Variants in KCNAB1 observed in about 807,000 individuals in gnomAD.
KCNAB1 encodes voltage-gated potassium channel subunit beta-1.
KCNAB1 carries 35 observed loss-of-function variants against 64.6 expected under a neutral mutation model. The observed-to-expected ratio is 0.54, with a 90% CI of 0.41 to 0.72. The LOEUF is 0.72. Ranked by LOEUF, KCNAB1 falls within the 30% of genes least tolerant of loss-of-function variation. KCNAB1 has a pLI of 0.00. For missense variants in KCNAB1, 401 were observed against 512.9 expected (o/e 0.78, Z 2.11); for synonymous variants, 177 against 183.8 (o/e 0.96, Z 0.30).
intron 1 of KCNAB1, among the ~76,000 whole-genome samples, chr3:156,405,114 G>A (rs554490399): frequency 1.0e-3 from 155 of 152,320 alleles, no homozygotes; most frequent in South Asian, 2.7e-3. Flanking sequence ...GAACCCTGCT[G>A]AGGTTAGAAG....
At chr3:156,202,682 C>G (rs553931303) in intron 1 of KCNAB1, among the ~76,000 whole-genome samples, 18 of 152,158 alleles carry the variant, frequency 1.2e-4, no homozygotes, top group African/African-American at 3.9e-4. Context: ...TTTATAATGT[C>G]AACAGTTTTT....
intron 1 of KCNAB1, among the ~76,000 whole-genome samples, chr3:156,205,305 G>A (rs1252077255): frequency 2.6e-5 from 4 of 151,984 alleles, no homozygotes; most frequent in Admixed American, 1.3e-4. Context: ...TTTGGTTTCC[G>A]TGTTTTAATT....
intron 13 of KCNAB1, among the ~76,000 whole-genome samples, chr3:156,535,499 C>T (rs1192730142): frequency 1.3e-5 from 2 of 152,150 alleles, no homozygotes; most frequent in Admixed American, 6.5e-5. Context: ...CTCACAAACC[C>T]TCAACTCCAG....
chr3:156,357,384 G>A (rs207463925), intron 1 of KCNAB1, among the ~76,000 whole-genome samples: 3 of 152,156 alleles, frequency 2.0e-5, no homozygotes, highest in African/African-American at 7.2e-5. Context: ...AATTTTTTAC[G>A]AGACCCTCAA....
chr3:156,469,302 G>A (rs550158911), intron 7 of KCNAB1, among the ~76,000 whole-genome samples: 1 of 139,926 alleles, frequency 7.1e-6, no homozygotes. Context: ...TGCCACCCAG[G>A]CTGGAGTGCA....
At chr3:156,226,065 A>T (rs138313479) in intron 1 of KCNAB1, among the ~76,000 whole-genome samples, 1 of 152,166 alleles carries the variant, frequency 6.6e-6, no homozygotes, top group Admixed American at 6.5e-5. Flanking sequence ...CTAGAAAAAA[A>T]TCCTAAAATT....
At chr3:156,180,058 C>T (rs1190728998) in intron 1 of KCNAB1, among the ~76,000 whole-genome samples, 1 of 152,162 alleles carries the variant, frequency 6.6e-6, no homozygotes, top group Non-Finnish European at 1.5e-5. Context: ...TTGCCATCAT[C>T]CTCCTTCTAT....
At chr3:156,151,470 A>G (rs1673442506) in intron 1 of KCNAB1, among the ~76,000 whole-genome samples, 1 of 152,238 alleles carries the variant, frequency 6.6e-6, no homozygotes. Context: ...GGCCAGAACT[A>G]TTTTAAAATT....
At chr3:156,298,891 A>G (rs1720970350) in intron 1 of KCNAB1, among the ~76,000 whole-genome samples, 1 of 152,226 alleles carries the variant, frequency 6.6e-6, no homozygotes, top group South Asian at 2.1e-4. Context: ...AGAATTAGAA[A>G]TAGAGTGATT....
At chr3:156,458,543 T>C (rs1712634053) in intron 4 of KCNAB1, among the ~76,000 whole-genome samples, 1 of 152,210 alleles carries the variant, frequency 6.6e-6, no homozygotes, top group East Asian at 1.9e-4. Context: ...CCCAGTGCAT[T>C]TTCCTTGCAT....
chr3:156,279,537 G>A (rs1329532481), intron 1 of KCNAB1, among the ~76,000 whole-genome samples: 14 of 151,986 alleles, frequency 9.2e-5, no homozygotes, highest in African/African-American at 1.7e-4. Context: ...CTGAGGAGTC[G>A]CCACACTGAC....
At chr3:156,132,058 G>T (rs887736614) in intron 1 of KCNAB1, among the ~76,000 whole-genome samples, 1 of 152,240 alleles carries the variant, frequency 6.6e-6, no homozygotes. Flanking sequence ...AGAAGGAAGA[G>T]AAGTGGGCAT....
chr3:156,195,415 C>T (rs775923006), intron 1 of KCNAB1, among the ~76,000 whole-genome samples: 9 of 152,070 alleles, frequency 5.9e-5, no homozygotes, highest in Non-Finnish European at 1.2e-4. Flanking sequence ...GTGTAAAAGC[C>T]TTCCTATTTC....
intron 1 of KCNAB1, among the ~76,000 whole-genome samples, chr3:156,183,649 C>T (rs1461887397): frequency 6.6e-6 from 1 of 152,206 alleles, no homozygotes; most frequent in Non-Finnish European, 1.5e-5. Context: ...GTTTCTCTCA[C>T]TCATCTCTCC....
intron 1 of KCNAB1, among the ~76,000 whole-genome samples, chr3:156,321,398 C>T (rs1253801650): frequency 2.0e-5 from 3 of 152,158 alleles, no homozygotes; most frequent in African/African-American, 7.2e-5. Context: ...TCAAGCACAT[C>T]TCTGAGGCAA....
chr3:156,418,664 T>C (rs1057116638), intron 1 of KCNAB1, among the ~76,000 whole-genome samples: 1 of 152,214 alleles, frequency 6.6e-6, no homozygotes, highest in Non-Finnish European at 1.5e-5. Context: ...CCATCCTGTG[T>C]TGGGAGTGCC....
chr3:156,445,883 T>C (rs1711514520), intron 2 of KCNAB1, among the ~76,000 whole-genome samples: 1 of 152,036 alleles, frequency 6.6e-6, no homozygotes, highest in Non-Finnish European at 1.5e-5. Context: ...CATAGAATCA[T>C]GAAATAATAG....
chr3:156,514,734 T>C (rs1489550595), intron 9 of KCNAB1, among the ~76,000 whole-genome samples: 2 of 152,278 alleles, frequency 1.3e-5, no homozygotes, highest in Non-Finnish European at 2.9e-5. Context: ...AAAAACTGTA[T>C]TAACTATACT....
intron 1 of KCNAB1, among the ~76,000 whole-genome samples, chr3:156,325,652 A>G (rs1722926985): frequency 6.6e-6 from 1 of 151,906 alleles, no homozygotes; most frequent in South Asian, 2.1e-4. Context: ...ATGTATTGCC[A>G]AATTAAAATT....
Sources: gnomAD v4.1 joint callset for allele counts (sites outside exome capture counted in the v4.1 genomes callset) on GRCh38, gnomAD v4.1.1 for gene constraint, MANE v1.5 for transcripts, NCBI Gene and HGNC (gene_info 2026-07-23, HGNC 2026-07-21) for gene names.